Variants in NCAM2 observed in about 807,000 individuals in gnomAD.
NCAM2 encodes neural cell adhesion molecule 2.
A neutral mutation model predicts 98.1 loss-of-function variants in NCAM2; 30 were observed. That is an observed-to-expected ratio of 0.31 (90% CI 0.23 to 0.41). NCAM2 has a LOEUF of 0.41. Ranked by LOEUF, NCAM2 falls within the 10% of genes least tolerant of loss-of-function variation. The pLI, the probability that NCAM2 is intolerant of heterozygous loss-of-function variation, is 1.00. For missense variants in NCAM2, 867 were observed against 1,005.8 expected (o/e 0.86, Z 1.87); for synonymous variants, 368 against 342.4 (o/e 1.07, Z -0.83).
intron 11 of NCAM2, among the ~76,000 whole-genome samples, chr21:21,420,998 TAA>T (rs1481277468): frequency 6.6e-6 from 1 of 151,680 alleles, no homozygotes; most frequent in Non-Finnish European, 1.5e-5. Flanking sequence ...AATTAGTATA[TAA>T]TTTTATAAAT....
At chr21:21,291,013 G>C (rs1210009998) in intron 4 of NCAM2, among the ~76,000 whole-genome samples, 2 of 139,528 alleles carry the variant, frequency 1.4e-5, no homozygotes, top group African/African-American at 5.4e-5. Context: ...TCAAGCCACA[G>C]ATAGGGAAAA....
chr21:21,070,728 T>C (rs1356152701), intron 1 of NCAM2, among the ~76,000 whole-genome samples: 1 of 152,144 alleles, frequency 6.6e-6, no homozygotes, highest in Non-Finnish European at 1.5e-5. Context: ...TAAATGTGCC[T>C]GATTAACTAA....
intron 8 of NCAM2, among the ~76,000 whole-genome samples, chr21:21,349,256 A>C (rs1602063245): frequency 6.6e-6 from 1 of 152,182 alleles, no homozygotes; most frequent in Non-Finnish European, 1.5e-5. Context: ...TCTAATCAAA[A>C]AATGGGCAAA....
chr21:21,283,117 A>G (rs1009772429), intron 2 of NCAM2, among the ~76,000 whole-genome samples: 6 of 152,058 alleles, frequency 3.9e-5, no homozygotes, highest in Admixed American at 6.6e-5. Context: ...ATTTGTTTAG[A>G]AAAAGATGAA....
intron 11 of NCAM2, among the ~76,000 whole-genome samples, chr21:21,419,968 G>A (rs2077077959): frequency 6.6e-6 from 1 of 151,992 alleles, no homozygotes; most frequent in South Asian, 2.1e-4. Flanking sequence ...CTAGTTTACA[G>A]TCCCACCAAC....
chr21:21,264,816 G>GTA lies in NCAM2; in HGVS notation c.56-15754_56-15753dup, dbSNP rs1206859621. 7.7e-5 allele frequency among the ~76,000 whole-genome samples: 10 copies of GTA among 130,394 alleles called. No individual in the cohort carries two copies. The South Asian group carries it at 1.9e-3, about 25-fold the overall frequency. The allele number at this position is 130,394 out of a possible 152,430, so 85.5% of individuals were successfully genotyped here. A position where few individuals can be genotyped will look rare whatever the true frequency, so the allele number is the denominator to read the frequency against. ...TATTCCACTATATATATACACACAC[G>GTA]TATATATATTCCACTTTATATACAC... On this transcript the variant is annotated intron_variant, in intron 1 of 17. Coordinates refer to ENST00000400546, the MANE Select transcript of NCAM2 (RefSeq NM_004540.5).
intron 1 of NCAM2, among the ~76,000 whole-genome samples, chr21:21,279,328 C>T (rs537428292): frequency 1.3e-5 from 2 of 152,146 alleles, no homozygotes; most frequent in South Asian, 2.1e-4. Flanking sequence ...GATGGTAAAT[C>T]TTATTCCAGT....
At chr21:21,313,360 T>C (rs1256417915) in intron 5 of NCAM2, among the ~76,000 whole-genome samples, 3 of 152,002 alleles carry the variant, frequency 2.0e-5, no homozygotes, top group Non-Finnish European at 4.4e-5. Context: ...TTTTGCTTTA[T>C]ATATTTTGAA....
chr21:21,465,580 A>C (rs1393714863), intron 12 of NCAM2, among the ~76,000 whole-genome samples: 1 of 151,864 alleles, frequency 6.6e-6, no homozygotes, highest in African/African-American at 2.4e-5. Context: ...AATATTAATA[A>C]ATTATATTAC....
chr21:21,293,532 T>C (rs2073369789), intron 5 of NCAM2, among the ~76,000 whole-genome samples: 1 of 151,836 alleles, frequency 6.6e-6, no homozygotes, highest in South Asian at 2.1e-4. Context: ...CTAGTATTTT[T>C]CAATGGTCTT....
intron 1 of NCAM2, among the ~76,000 whole-genome samples, chr21:21,158,892 A>C (rs1467642212): frequency 6.6e-6 from 1 of 152,140 alleles, no homozygotes; most frequent in Non-Finnish European, 1.5e-5. Flanking sequence ...TTTATAAAAG[A>C]GAAAACGTAA....
At chr21:21,008,017 C>T (rs2064141910) in intron 1 of NCAM2, among the ~76,000 whole-genome samples, 2 of 152,108 alleles carry the variant, frequency 1.3e-5, no homozygotes, top group Admixed American at 6.5e-5. Context: ...TAATCACTGC[C>T]TGAAGAGAGC....
Position 21,317,613 on chromosome 21 carries a change from A to G in NCAM2, c.620-6770A>G, listed in dbSNP as rs147445464. On this transcript the variant is annotated intron_variant, in intron 5 of 17. Transcript: ENST00000400546. Reference sequence around the variant, plus strand: ...AGTGACACAATCACAGGTCACTACAACCTCGACTTCCCAGGCTCAAGCTAT... The same window carrying G: ...AGTGACACAATCACAGGTCACTACAGCCTCGACTTCCCAGGCTCAAGCTAT... 5.5e-4 allele frequency among the ~76,000 whole-genome samples: 83 copies of G among 152,164 alleles called. 1 individual carries two copies. The East Asian group carries it at 0.014, about 25-fold the overall frequency.
chr21:21,035,272 A>G (rs1421172866), intron 1 of NCAM2, among the ~76,000 whole-genome samples: 1 of 152,178 alleles, frequency 6.6e-6, no homozygotes, highest in Admixed American at 6.5e-5. Context: ...GGTATTTCCA[A>G]TTGTGTTTGT....
At chr21:21,514,634 T>C (rs1602537918) in intron 16 of NCAM2, among the ~76,000 whole-genome samples, 3 of 152,172 alleles carry the variant, frequency 2.0e-5, no homozygotes, top group Non-Finnish European at 2.9e-5. Flanking sequence ...TCTTTATCAT[T>C]TCGCATTTTA....
chr21:21,260,665 T>C (rs1297311116), intron 1 of NCAM2, among the ~76,000 whole-genome samples: 1 of 151,666 alleles, frequency 6.6e-6, no homozygotes, highest in African/African-American at 2.4e-5. Flanking sequence ...AGTAAGGAAA[T>C]TTGTCACCAC....
At chr21:21,013,733 A>C (rs571002644) in intron 1 of NCAM2, among the ~76,000 whole-genome samples, 1 of 151,914 alleles carries the variant, frequency 6.6e-6, no homozygotes, top group African/African-American at 2.4e-5. Context: ...GTGAGCTGGG[A>C]TTGTGCCATT....
chr21:21,000,878 C>T (rs1404729529), intron 1 of NCAM2, among the ~76,000 whole-genome samples: 2 of 152,108 alleles, frequency 1.3e-5, no homozygotes, highest in East Asian at 1.9e-4. Flanking sequence ...ATCAGACACA[C>T]CACCGGGAGC....
At chr21:21,388,668 A>G (rs973749003) in intron 9 of NCAM2, among the ~76,000 whole-genome samples, 1 of 152,240 alleles carries the variant, frequency 6.6e-6, no homozygotes, top group African/African-American at 2.4e-5. Context: ...TAATTAACTT[A>G]AATTTAAAAT....
Sources: allele counts gnomAD v4.1 joint callset (sites outside exome capture counted in the v4.1 genomes callset), GRCh38; gene constraint gnomAD v4.1.1; transcripts MANE v1.5; gene names NCBI Gene and HGNC (gene_info 2026-07-23, HGNC 2026-07-21).